The following NAXD variants were observed in gnomAD, a reference collection of about 807,000 sequenced individuals.
The protein encoded by NAXD is ATP-dependent (S)-NAD(P)H-hydrate dehydratase.
In NAXD, 22 loss-of-function variants were observed where a neutral mutation model predicts 35.8. The ratio of observed to expected loss-of-function variants is 0.62; its 90% CI spans 0.44 to 0.88. The LOEUF is 0.88. Among genes scored for constraint, NAXD ranks in the 40% least tolerant of loss-of-function variants. The pLI, the probability that NAXD is intolerant of heterozygous loss-of-function variation, is 0.00. For missense variants in NAXD, 428 were observed against 437.7 expected (o/e 0.98, Z 0.20); for synonymous variants, 189 against 177.6 (o/e 1.06, Z -0.51).
chr13:110,639,923 A>G lies in NAXD; in HGVS notation c.*1395A>G, dbSNP rs1887116272. On this transcript the variant is annotated 3_prime_UTR_variant, in exon 10 of 10. Transcript: ENST00000680254. ...TGAACTTTTCCAGAAAAACTGTGCC[A>G]TGGACATTTTTCCTCTGGGGAATTA... 1.3e-5 allele frequency: 2 copies of G among 152,252 alleles called. No homozygotes were observed. Among genetic ancestry groups the G allele is most frequent in the African/African-American group, 4.8e-5 (2 of 41,470 alleles). 9.4% of individuals were successfully genotyped at this position (152,252 alleles called of 1,614,324 possible).
chr13:110,635,379 T>G (rs2139651647), intron 7 of NAXD, 89 bp from the exon 8 acceptor site: 1,070 of 1,449,688 alleles, frequency 7.4e-4, no homozygotes, highest in Non-Finnish European at 9.4e-4. Context: ...CACGAGAGCA[T>G]GAGTCTCATG....
At chr13:110,635,430 A>G in intron 7 of NAXD, 38 bp from the exon 8 acceptor site, 1 of 1,606,218 alleles carries the variant, frequency 6.2e-7, no homozygotes, top group Admixed American at 1.7e-5. Context: ...TGTCTGAGGA[A>G]GACTTTGCTT....
In NAXD at chr13:110,638,874, G is replaced by A; in HGVS notation, c.*346G>A. 4.9e-6 allele frequency: 2 copies of A among 407,846 alleles called. No individual in the cohort carries two copies. Among genetic ancestry groups the A allele is most frequent in the Non-Finnish European group, 9.4e-6 (2 of 213,054 alleles). The allele number at this position is 407,846 out of a possible 1,614,324, so 25.3% of individuals were successfully genotyped here. The stretch of plus-strand genomic sequence containing the variant: ...CTCGGCCTGCTCCCAGATCGGCGAA[G>A]TTTCTACTTGTTACTCTCTCTGCCG... On this transcript the variant is annotated 3_prime_UTR_variant, in exon 10 of 10. Transcript: ENST00000680254. This position sits in a 1 kb window ranked among gnomAD's most constrained non-coding sequence, Gnocchi z 5.4.
intron 4 of NAXD, among the ~76,000 whole-genome samples, chr13:110,625,718 G>A (rs1886447964): frequency 6.6e-6 from 1 of 152,276 alleles, no homozygotes; most frequent in African/African-American, 2.4e-5. Context: ...GACCGCCTAT[G>A]CTATAGAGCT....
intron 2 of NAXD, among the ~76,000 whole-genome samples, chr13:110,623,550 C>T (rs1449789464): frequency 6.6e-6 from 1 of 152,208 alleles, no homozygotes; most frequent in African/African-American, 2.4e-5. Flanking sequence ...GGGACCCTGT[C>T]CATGCCCGAC....
At position 110,634,720 on chromosome 13, in the gene NAXD, C is replaced by G. The variant is rs61734918; in HGVS notation, c.541C>G (p.Arg181Gly). Residue 181 changes from arginine to glycine, a missense_variant, in exon 7 of 10, where the codon CGG becomes GGG. Around this residue, in one of 3 missense-constraint regions of NAXD, gnomAD observed 209 missense variants for 214.6 expected, o/e 0.97. Transcript: ENST00000680254. ...GCAGCCGGCCCTCATCCATGGCTAC[C>G]GGAAGGCTGTGCTCACTCCCAACCA... ...AQQPALIHGY[R>G]KAVLTPNHVE... 1.2e-6 allele frequency: 2 copies of G among 1,614,124 alleles called. No individual in the cohort carries two copies. Among genetic ancestry groups the G allele is most frequent in the Non-Finnish European group, 1.7e-6 (2 of 1,180,026 alleles).
chr13:110,633,218 C>T lies in NAXD; in HGVS notation c.442-1327C>T, dbSNP rs563334054. On this transcript the variant is annotated intron_variant, in intron 5 of 9. Coordinates refer to ENST00000680254, the MANE Select transcript of NAXD (RefSeq NM_001242882.2). ...CCCGGTGAGAAATTGAGCACAGTGC[C>T]GGTGGGCTGGCACTGCTGCAGGACC... 1.6e-3 allele frequency among the ~76,000 whole-genome samples: 248 copies of T among 152,258 alleles called. 4 individuals carry two copies. The highest frequency in any genetic ancestry group is 4.1e-3 in the African/African-American group (169 of 41,554).
Position 110,624,240 on chromosome 13 carries a change from T to C in NAXD, c.204T>C (p.Thr68=). The C allele has an allele frequency of 1.2e-6, 2 of 1,607,734 alleles. No homozygotes were observed. Among genetic ancestry groups the C allele is most frequent in the South Asian group, 2.2e-5 (2 of 90,646 alleles). Residue 68 remains threonine (T), a synonymous_variant, in exon 3 of 10, where the codon ACT becomes ACC. Transcript: ENST00000680254. ...IGVVGGCQEY[T]GAPYFAAISA... ...CTAAATACCTTCTTTTTAGGTACACTGGAGCCCCATATTTTGCAGCAATCT... is the reference window on the plus strand; with the variant it reads ...CTAAATACCTTCTTTTTAGGTACACCGGAGCCCCATATTTTGCAGCAATCT...
Position 110,615,740 on chromosome 13 carries a change from C to T in NAXD, c.46+93C>T, listed in dbSNP as rs761778039. On this transcript the variant is annotated intron_variant, in intron 1 of 9. Transcript: ENST00000680254. ...CGGTCGTTGTCGCATTGCTCTCGGCCGCACTCGCGCTGTACGGGCCGCCAC... is the reference window on the plus strand; with the variant it reads ...CGGTCGTTGTCGCATTGCTCTCGGCTGCACTCGCGCTGTACGGGCCGCCAC... 1.1e-5 allele frequency: 16 copies of T among 1,486,912 alleles called. No homozygotes were observed. The highest frequency in any genetic ancestry group is 2.2e-5 in the Admixed American group (1 of 44,784). The allele number at this position is 1,486,912 out of a possible 1,614,324, so 92.1% of individuals were successfully genotyped here. A position where few individuals can be genotyped will look rare whatever the true frequency, so the allele number is the denominator to read the frequency against.
At chr13:110,634,434 C>T (rs1174444842) in intron 5 of NAXD, 111 bp from the exon 6 acceptor site, 1 of 1,118,282 alleles carries the variant, frequency 8.9e-7, no homozygotes. Flanking sequence ...AAAGGCCCCA[C>T]CTCCCAGGAC....
At chr13:110,615,819 G>A (rs947736854) in intron 1 of NAXD, 172 bp downstream of exon 1, 2 of 1,284,346 alleles carry the variant, frequency 1.6e-6, no homozygotes, top group Non-Finnish European at 2.0e-6. Flanking sequence ...GGGGGGAAGC[G>A]CCGCCGAGGG....
chr13:110,634,356 G>GA (rs1453693442), intron 5 of NAXD, among the ~76,000 whole-genome samples, 189 bp from the exon 6 acceptor site: 3 of 152,166 alleles, frequency 2.0e-5, no homozygotes, highest in African/African-American at 7.2e-5. Context: ...AAGGGCAGGA[G>GA]AGAGACCCTT....
chr13:110,630,801 C>G (rs1176247193), intron 5 of NAXD, among the ~76,000 whole-genome samples: 1 of 152,178 alleles, frequency 6.6e-6, no homozygotes, highest in Non-Finnish European at 1.5e-5. Flanking sequence ...GTCATCCTCC[C>G]TGACAATCCG....
At chr13:110,634,367 A>AT (rs1302200448) in intron 5 of NAXD, among the ~76,000 whole-genome samples, 178 bp from the exon 6 acceptor site, 1 of 152,172 alleles carries the variant, frequency 6.6e-6, no homozygotes, top group East Asian at 1.9e-4. Flanking sequence ...AGAGACCCTT[A>AT]TGCCTCTTTT....
intron 1 of NAXD, chr13:110,616,034 GA>G (rs1037502288): frequency 1.6e-4 from 60 of 380,606 alleles, no homozygotes; most frequent in African/African-American, 1.1e-3. Flanking sequence ...GGTGGCCGGG[GA>G]ACGGGGGGCC....
chr13:110,624,263 T>C lies in NAXD; in HGVS notation c.227T>C (p.Ile76Thr). 4 of 1,607,738 alleles carry C rather than the reference T, an allele frequency of 2.5e-6. No homozygotes were observed. Among genetic ancestry groups the C allele is most frequent in the Non-Finnish European group, 3.4e-6 (4 of 1,174,926 alleles). Reference protein sequence around the residue: ...EYTGAPYFAAISALKVGADLS... With the variant: ...EYTGAPYFAATSALKVGADLS... ...ACTGGAGCCCCATATTTTGCAGCAATCTCAGCTCTCAAAGTGGTATGTTTA... is the reference window on the plus strand; with the variant it reads ...ACTGGAGCCCCATATTTTGCAGCAACCTCAGCTCTCAAAGTGGTATGTTTA... The change falls in exon 3 of 10, where the codon ATC becomes ACC. Residue 76 changes from isoleucine (I) to threonine (T), a missense_variant. Ile to Thr is a moderately conservative substitution (Grantham distance 89). Transcript: ENST00000680254.
chr13:110,627,384 A>G, intron 4 of NAXD, 55 bp from the exon 5 acceptor site: 1 of 1,084,328 alleles, frequency 9.2e-7, no homozygotes, highest in Middle Eastern at 2.1e-4. Flanking sequence ...AATACATGAC[A>G]GTAAGTAAAT....
chr13:110,623,700 A>G (rs922755524), intron 2 of NAXD, among the ~76,000 whole-genome samples: 10 of 152,228 alleles, frequency 6.6e-5, no homozygotes, highest in Admixed American at 2.0e-4. Context: ...TGAAGGTTTT[A>G]TGTAAAAGAT....
intron 8 of NAXD, among the ~76,000 whole-genome samples, chr13:110,635,845 C>T (rs371335458): frequency 1.3e-5 from 2 of 152,260 alleles, no homozygotes; most frequent in Non-Finnish European, 2.9e-5. Context: ...ATTCCCTTGC[C>T]TCAGTTATGA....
Sources: gnomAD v4.1 joint callset for allele counts (sites outside exome capture counted in the v4.1 genomes callset) on GRCh38, gnomAD v4.1.1 for gene constraint, gnomAD v4.1.1 regional missense constraint, Gnocchi (gnomAD v3.1) non-coding constraint, MANE v1.5 for transcripts, NCBI Gene and HGNC (gene_info 2026-07-23, HGNC 2026-07-21) for gene names.